The following TRIM44 variants were observed in gnomAD, a reference collection of about 807,000 sequenced individuals.
The protein encoded by TRIM44 is tripartite motif-containing protein 44.
A neutral mutation model predicts 37.4 loss-of-function variants in TRIM44; 13 were observed. The observed-to-expected ratio is 0.35, with a 90% CI of 0.23 to 0.55. The LOEUF (loss-of-function observed/expected upper bound fraction) is 0.55. TRIM44 is among the 20% of genes least tolerant of loss of function. TRIM44 has a pLI of 0.89. For missense variants in TRIM44, 426 were observed against 437.2 expected, an observed-to-expected ratio of 0.97 and a Z score of 0.23; for synonymous variants, 175 against 157.2, an observed-to-expected ratio of 1.11 and a Z score of -0.85.
At chr11:35,760,475 C>T (rs891188322) in intron 4 of TRIM44, among the ~76,000 whole-genome samples, 8 of 152,158 alleles carry the variant, frequency 5.3e-5, no homozygotes, top group African/African-American at 1.4e-4. Flanking sequence ...TGCTTAAGCT[C>T]ATGCTTGGTG....
chr11:35,680,289 A>G (rs1377280390), intron 1 of TRIM44, among the ~76,000 whole-genome samples: 1 of 152,126 alleles, frequency 6.6e-6, no homozygotes, highest in Non-Finnish European at 1.5e-5. Context: ...AATCTTAATT[A>G]TGCAATTAAT....
rs1476487449 is a variant in TRIM44, at chr11:35,707,654, A to C, written c.748-18270A>C. 3.4e-5 allele frequency among the ~76,000 whole-genome samples: 5 copies of C among 148,138 alleles called. No homozygotes were observed. In the East Asian group the frequency reaches 5.9e-4, roughly 17 times the overall value. On this transcript the variant is annotated intron_variant, in intron 2 of 4. Coordinates refer to ENST00000299413, the MANE Select transcript of TRIM44 (RefSeq NM_017583.6). The stretch of plus-strand genomic sequence containing the variant: ...CTTTGACAAACCTGACAAAAACAAG[A>C]GATGGGGAAAGGATTCCCTATTTAA...
chr11:35,662,795 C>T lies in TRIM44; in HGVS notation c.-317C>T. On this transcript the variant is annotated 5_prime_UTR_variant, in exon 1 of 5. Transcript: ENST00000299413. ...GGGCCGGCGGCTGCCGCGATCTCTCCCTGGTAGCGGGAGGCTGAGCGGGCG... is the reference window on the plus strand; with the variant it reads ...GGGCCGGCGGCTGCCGCGATCTCTCTCTGGTAGCGGGAGGCTGAGCGGGCG... 1.3e-5 allele frequency: 3 copies of T among 238,828 alleles called. No individual in the cohort carries two copies. Among genetic ancestry groups the T allele is most frequent in the Non-Finnish European group, 2.4e-5 (3 of 126,014 alleles). The allele number at this position is 238,828 out of a possible 1,614,324, so 14.8% of individuals were successfully genotyped here. A position where few individuals can be genotyped will look rare whatever the true frequency, so the allele number is the denominator to read the frequency against.
chr11:35,758,294 T>C (rs945095670), intron 4 of TRIM44, among the ~76,000 whole-genome samples: 5 of 152,144 alleles, frequency 3.3e-5, no homozygotes, highest in African/African-American at 4.8e-5. Context: ...GGTTTAAAGT[T>C]TGTTTCATCA....
rs551034547 is a variant in TRIM44, at chr11:35,814,727, G to T, written c.*8342G>T. The stretch of plus-strand genomic sequence containing the variant: ...TTTGCTGGTGGTAATGATGAGTTTT[G>T]TCACTTGCTATAACATTCTCTGTCC... On this transcript the variant is annotated 3_prime_UTR_variant, in exon 5 of 5. Transcript: ENST00000299413. 1 of 152,236 alleles carries T rather than the reference G, an allele frequency of 6.6e-6. No individual in the cohort carries two copies. 9.4% of individuals were successfully genotyped at this position (152,236 alleles called of 1,614,324 possible).
intron 4 of TRIM44, among the ~76,000 whole-genome samples, chr11:35,754,158 T>TA (rs1852594326): frequency 6.6e-6 from 1 of 152,314 alleles, no homozygotes; most frequent in South Asian, 2.1e-4. Context: ...GTGTTAGAGG[T>TA]AATCTTTCTT....
At chr11:35,801,222 T>C (rs1294733271) in intron 4 of TRIM44, among the ~76,000 whole-genome samples, 2 of 152,236 alleles carry the variant, frequency 1.3e-5, no homozygotes, top group African/African-American at 4.8e-5. Context: ...ACTTCCCAAT[T>C]GGCTCCTTGT....
intron 1 of TRIM44, among the ~76,000 whole-genome samples, chr11:35,671,558 A>G (rs912078497): frequency 6.6e-6 from 1 of 152,226 alleles, no homozygotes; most frequent in African/African-American, 2.4e-5. Flanking sequence ...GTGTTTAACC[A>G]GGCTGTCAGT....
In TRIM44 at chr11:35,812,310, G is replaced by C. The variant is rs990541518; in HGVS notation, c.*5925G>C. On this transcript the variant is annotated 3_prime_UTR_variant, in exon 5 of 5. Transcript: ENST00000299413. The stretch of plus-strand genomic sequence containing the variant: ...CCAACAGAAAGTCGTAATAAGAGAA[G>C]ATGTCACAGAAATAGAAACAAAAGC... 6 of 152,306 alleles carry C rather than the reference G, an allele frequency of 3.9e-5. No individual in the cohort carries two copies. The highest frequency in any genetic ancestry group is 4.1e-4 in the South Asian group (2 of 4,828). The allele number at this position is 152,306 out of a possible 1,614,324, so 9.4% of individuals were successfully genotyped here.
At chr11:35,754,474 C>T (rs962557340) in intron 4 of TRIM44, among the ~76,000 whole-genome samples, 16 of 152,034 alleles carry the variant, frequency 1.1e-4, no homozygotes, top group Admixed American at 5.9e-4. Flanking sequence ...TCCATGAATC[C>T]GTCTTTGATC....
rs147091279 is a variant in TRIM44 at position 35,737,576 on chromosome 11, C to T, written c.1007+2131C>T. 6.8e-3 allele frequency among the ~76,000 whole-genome samples: 1,037 copies of T among 152,242 alleles called. 6 individuals carry two copies. Among genetic ancestry groups the T allele is most frequent in the African/African-American group, 0.024 (986 of 41,540 alleles). ...TGAGGTCGGGCACAGTGGCTCACGC[C>T]TGTAATCCCAGGACTTTGGGAGGCC... On this transcript the variant is annotated intron_variant, in intron 4 of 4. Transcript: ENST00000299413.
chr11:35,689,926 T>TGAA (rs1851621899), intron 2 of TRIM44, among the ~76,000 whole-genome samples: 2 of 152,210 alleles, frequency 1.3e-5, no homozygotes, highest in Admixed American at 1.3e-4. Flanking sequence ...TGCTTTTCTT[T>TGAA]CCCTCTGATA....
chr11:35,740,371 A>G (rs1852381071), intron 4 of TRIM44, among the ~76,000 whole-genome samples: 1 of 152,144 alleles, frequency 6.6e-6, no homozygotes, highest in Non-Finnish European at 1.5e-5. Context: ...GAGAGGGAAA[A>G]GACCCTTAAA....
chr11:35,701,937 G>A (rs1404277517), intron 2 of TRIM44, among the ~76,000 whole-genome samples: 2 of 152,180 alleles, frequency 1.3e-5, no homozygotes, highest in Admixed American at 1.3e-4. Flanking sequence ...TTTTCCCAGA[G>A]AGGCCCTAGT....
intron 1 of TRIM44, among the ~76,000 whole-genome samples, chr11:35,668,164 T>C (rs1851352265): frequency 6.6e-6 from 1 of 152,220 alleles, no homozygotes; most frequent in African/African-American, 2.4e-5. Context: ...TTTTGTTTTT[T>C]GGTTTTACAT....
chr11:35,672,932 G>A (rs1851415050), intron 1 of TRIM44, among the ~76,000 whole-genome samples: 1 of 152,194 alleles, frequency 6.6e-6, no homozygotes, highest in Non-Finnish European at 1.5e-5. Flanking sequence ...TAAGACCAAG[G>A]TAAAGGGGAT....
intron 2 of TRIM44, among the ~76,000 whole-genome samples, chr11:35,725,066 TCACACACACACACACA>T (rs59413888): frequency 2.1e-5 from 3 of 141,072 alleles, no homozygotes; most frequent in East Asian, 2.0e-4. Flanking sequence ...ATGCACACAC[TCACACACACACACACA>T]CACACACACA....
At chr11:35,708,970 T>G (rs1009053320) in intron 2 of TRIM44, among the ~76,000 whole-genome samples, 1 of 101,900 alleles carries the variant, frequency 9.8e-6, no homozygotes, top group Non-Finnish European at 1.8e-5. Flanking sequence ...AAACATGCAC[T>G]GATGTTGCCA....
intron 1 of TRIM44, among the ~76,000 whole-genome samples, chr11:35,680,748 A>T (rs1851512893): frequency 1.3e-5 from 2 of 152,202 alleles, no homozygotes; most frequent in Admixed American, 6.5e-5. Flanking sequence ...CATCAACAAC[A>T]TATGGAAGTC....
Sources: gnomAD v4.1 joint callset for allele counts (sites outside exome capture counted in the v4.1 genomes callset) on GRCh38, gnomAD v4.1.1 for gene constraint, MANE v1.5 for transcripts, NCBI Gene and HGNC (gene_info 2026-07-23, HGNC 2026-07-21) for gene names.